Variants in LRRTM4 observed in about 807,000 individuals in gnomAD.
LRRTM4 encodes the protein leucine-rich repeat transmembrane neuronal protein 4.
LRRTM4 carries 25 observed loss-of-function variants against 47.6 expected under a neutral mutation model. That is an observed-to-expected ratio of 0.53 (90% CI 0.38 to 0.73). LRRTM4 has a LOEUF of 0.73. Among genes scored for constraint, LRRTM4 ranks in the 30% least tolerant of loss-of-function variants. The probability of loss-of-function intolerance (pLI) is 0.00; values close to 1 mark genes in which losing one functional copy is unlikely to be tolerated. For synonymous variants in LRRTM4, 311 were observed against 269.5 expected (o/e 1.15, Z -1.51); for missense variants, 638 against 713.4 (o/e 0.89, Z 1.20).
intron 3 of LRRTM4, among the ~76,000 whole-genome samples, chr2:77,067,014 G>A (rs1238713984): frequency 6.6e-6 from 1 of 152,140 alleles, no homozygotes; most frequent in African/African-American, 2.4e-5. Flanking sequence ...ACAAGGTATT[G>A]GCCAAAGAGG....
intron 3 of LRRTM4, among the ~76,000 whole-genome samples, chr2:77,312,249 A>T (rs537853145): frequency 6.6e-6 from 1 of 150,728 alleles, no homozygotes; most frequent in South Asian, 2.1e-4. Context: ...TGTCACTTAA[A>T]TCTTTCTAAT....
At chr2:77,512,199 A>C in intron 3 of LRRTM4, among the ~76,000 whole-genome samples, 1 of 152,148 alleles carries the variant, frequency 6.6e-6, no homozygotes. Flanking sequence ...CATTATTTTT[A>C]AACTCTTTAG....
At chr2:76,774,698 A>G (rs900461814) in intron 3 of LRRTM4, among the ~76,000 whole-genome samples, 25 of 152,114 alleles carry the variant, frequency 1.6e-4, no homozygotes, top group Non-Finnish European at 2.8e-4. Context: ...GAGGCAGGAG[A>G]GTCAGGCACA....
chr2:77,030,218 G>A (rs1184565665), intron 3 of LRRTM4, among the ~76,000 whole-genome samples: 1 of 152,110 alleles, frequency 6.6e-6, no homozygotes, highest in Non-Finnish European at 1.5e-5. Flanking sequence ...AGATCACGAG[G>A]TCAGGAGATC....
intron 3 of LRRTM4, among the ~76,000 whole-genome samples, chr2:76,758,719 A>G (rs1454007254): frequency 1.3e-5 from 2 of 152,312 alleles, no homozygotes; most frequent in Admixed American, 1.3e-4. Flanking sequence ...AGGAGTAATT[A>G]TATGAAAGTG....
chr2:77,293,388 G>A (rs1341866666), intron 3 of LRRTM4, among the ~76,000 whole-genome samples: 1 of 152,012 alleles, frequency 6.6e-6, no homozygotes, highest in Non-Finnish European at 1.5e-5. Flanking sequence ...CCCATTAAGA[G>A]AAATCCAGGA....
At chr2:77,264,594 C>G (rs185327816) in intron 3 of LRRTM4, among the ~76,000 whole-genome samples, 1 of 152,028 alleles carries the variant, frequency 6.6e-6, no homozygotes, top group Non-Finnish European at 1.5e-5. Context: ...TGTTAAATAC[C>G]TCATTCAGTA....
intron 3 of LRRTM4, among the ~76,000 whole-genome samples, chr2:77,074,249 T>C (rs1247300234): frequency 6.6e-6 from 1 of 152,204 alleles, no homozygotes; most frequent in Non-Finnish European, 1.5e-5. Flanking sequence ...TAACCAGCCT[T>C]TGCTAACAGT....
At chr2:76,952,198 T>C (rs573965501) in intron 3 of LRRTM4, among the ~76,000 whole-genome samples, 4 of 152,098 alleles carry the variant, frequency 2.6e-5, no homozygotes, top group South Asian at 4.1e-4. Context: ...AGGGAAGAGA[T>C]AGTTTGACTT....
chr2:77,268,213 T>TA (rs1332710415), intron 3 of LRRTM4, among the ~76,000 whole-genome samples: 1 of 152,082 alleles, frequency 6.6e-6, no homozygotes, highest in Non-Finnish European at 1.5e-5. Context: ...ACATGTGCAG[T>TA]AAAAAAATAA....
intron 3 of LRRTM4, among the ~76,000 whole-genome samples, chr2:77,165,392 AGCTGGT>A (rs2103819743): frequency 6.6e-6 from 1 of 152,304 alleles, no homozygotes; most frequent in Non-Finnish European, 1.5e-5. Context: ...TACAAAGAGG[AGCTGGT>A]GCCACTCCTT....
chr2:77,458,725 T>C (rs1316246288), intron 3 of LRRTM4, among the ~76,000 whole-genome samples: 3 of 151,606 alleles, frequency 2.0e-5, no homozygotes, highest in African/African-American at 7.3e-5. Flanking sequence ...TCATGTCCAT[T>C]GCTACGGTTT....
chr2:77,021,444 T>G (rs1431056788), intron 3 of LRRTM4, among the ~76,000 whole-genome samples: 1 of 152,140 alleles, frequency 6.6e-6, no homozygotes, highest in Non-Finnish European at 1.5e-5. Flanking sequence ...CTTTTTCAAA[T>G]TGACTCTGGA....
intron 3 of LRRTM4, among the ~76,000 whole-genome samples, chr2:76,937,531 G>A (rs1418722673): frequency 6.6e-6 from 1 of 152,192 alleles, no homozygotes; most frequent in Non-Finnish European, 1.5e-5. Context: ...CATTAGGCAA[G>A]TTGACAGGTA....
chr2:76,837,677 G>A (rs1444910986), intron 3 of LRRTM4, among the ~76,000 whole-genome samples: 3 of 152,160 alleles, frequency 2.0e-5, no homozygotes, highest in Admixed American at 6.6e-5. Flanking sequence ...CAAAGACTTG[G>A]AACCAACCCA....
At chr2:77,012,300 T>TC (rs1426294378) in intron 3 of LRRTM4, among the ~76,000 whole-genome samples, 1 of 152,174 alleles carries the variant, frequency 6.6e-6, no homozygotes, top group Non-Finnish European at 1.5e-5. Context: ...TAATCATTTT[T>TC]TTTTGGAAAT....
At chr2:76,853,468 C>G (rs542722501) in intron 3 of LRRTM4, among the ~76,000 whole-genome samples, 1 of 152,160 alleles carries the variant, frequency 6.6e-6, no homozygotes, top group Admixed American at 6.5e-5. Flanking sequence ...TTTTTAAGAA[C>G]AAATCAAACT....
chr2:77,226,792 A>C (rs1674826269), intron 3 of LRRTM4, among the ~76,000 whole-genome samples: 1 of 151,940 alleles, frequency 6.6e-6, no homozygotes, highest in Non-Finnish European at 1.5e-5. Flanking sequence ...GGGGTAGCCT[A>C]TTCTGAAAAT....
intron 3 of LRRTM4, among the ~76,000 whole-genome samples, chr2:76,983,921 C>T (rs1325798577): frequency 6.6e-6 from 1 of 152,028 alleles, no homozygotes; most frequent in South Asian, 2.1e-4. Context: ...TGACATGCAC[C>T]TATTTTTCAT....
Sources: gnomAD v4.1 joint callset for allele counts (sites outside exome capture counted in the v4.1 genomes callset) on GRCh38, gnomAD v4.1.1 for gene constraint, MANE v1.5 for transcripts, NCBI Gene and HGNC (gene_info 2026-07-23, HGNC 2026-07-21) for gene names.